The following ASXL1 variants were observed in gnomAD, a reference collection of about 807,000 sequenced individuals.
ASXL1 encodes ASXL transcriptional regulator 1.
ASXL1 carries 65 observed loss-of-function variants against 89.1 expected under a neutral mutation model. The ratio of observed to expected loss-of-function variants is 0.73; its 90% CI spans 0.60 to 0.90. The LOEUF is 0.90. Ranked by LOEUF, ASXL1 falls within the 40% of genes least tolerant of loss-of-function variation. The probability of loss-of-function intolerance (pLI) is 0.00; values close to 1 mark genes in which losing one functional copy is unlikely to be tolerated. For missense variants in ASXL1, 1,786 were observed against 1,942.9 expected (o/e 0.92, Z 1.52); for synonymous variants, 739 against 746.9 (o/e 0.99, Z 0.17).
chr20:32,377,479 T>G (rs953002890), intron 4 of ASXL1, among the ~76,000 whole-genome samples: 1 of 152,034 alleles, frequency 6.6e-6, no homozygotes, highest in African/African-American at 2.4e-5. Flanking sequence ...TGGTACAGGT[T>G]GAGTATCCTT....
chr20:32,436,610 C>T lies in ASXL1; in HGVS notation c.3898C>T (p.Gln1300Ter). ...GGGTGATCAGAGCAATGTTACAGGC[C>T]AAGGGAAGAAGCTTTTTGGCTCTGG... ...ALGDQSNVTG[Q>*]GKKLFGSGNV... The change falls in exon 13 of 13, where the codon CAA becomes TAA. Residue 1300 changes from glutamine (Q) to a stop codon, truncating the protein, a stop_gained. Coordinates refer to ENST00000375687, the MANE Select transcript of ASXL1 (RefSeq NM_015338.6). LOFTEE classifies it high-confidence loss of function. The T allele has an allele frequency of 6.2e-7, 1 of 1,614,162 alleles. No homozygotes were observed. The highest frequency in any genetic ancestry group is 8.5e-7 in the Non-Finnish European group (1 of 1,180,048).
chr20:32,411,619 G>A (rs1387215331), intron 4 of ASXL1, among the ~76,000 whole-genome samples: 1 of 147,264 alleles, frequency 6.8e-6, no homozygotes, highest in Non-Finnish European at 1.5e-5. Context: ...TTGGCTCACT[G>A]CAGCCTCTGC....
At chr20:32,415,991 TG>T (rs1310118020) in intron 4 of ASXL1, among the ~76,000 whole-genome samples, 6 of 152,124 alleles carry the variant, frequency 3.9e-5, no homozygotes, top group Non-Finnish European at 7.4e-5. Flanking sequence ...TATGCCATGT[TG>T]TTGATTAAGA....
chr20:32,428,077 T>C (rs775643416), intron 4 of ASXL1, 51 bp from the exon 5 acceptor site: 2 of 1,611,418 alleles, frequency 1.2e-6, no homozygotes, highest in South Asian at 2.2e-5. Flanking sequence ...ACTGCCTTGC[T>C]TTAAGAATTT....
At chr20:32,380,300 A>G (rs1472380188) in intron 4 of ASXL1, among the ~76,000 whole-genome samples, 2 of 152,314 alleles carry the variant, frequency 1.3e-5, no homozygotes, top group East Asian at 3.9e-4. Context: ...AAAAAGAAAT[A>G]GATGACTACA....
At chr20:32,398,710 C>T (rs1386884330) in intron 4 of ASXL1, among the ~76,000 whole-genome samples, 4 of 148,964 alleles carry the variant, frequency 2.7e-5, no homozygotes, top group African/African-American at 7.4e-5. Context: ...GCCGGGTTCA[C>T]GCCATTCTCC....
At chr20:32,431,784 T>G in intron 10 of ASXL1, 105 bp downstream of exon 10, 1 of 1,198,778 alleles carries the variant, frequency 8.3e-7, no homozygotes, top group Non-Finnish European at 1.2e-6. Flanking sequence ...AAAGGGTTAT[T>G]TAGTATAAGA....
chr20:32,424,948 C>G (rs1215606225), intron 4 of ASXL1, among the ~76,000 whole-genome samples: 3 of 152,182 alleles, frequency 2.0e-5, no homozygotes, highest in African/African-American at 2.4e-5. Flanking sequence ...CCCTACCCCC[C>G]ACTGCCCCTT....
In ASXL1 at chr20:32,369,096, T is replaced by C. The variant is rs1175499490; in HGVS notation, c.225T>C (p.Pro75=). The C allele has an allele frequency of 6.2e-7, 1 of 1,613,470 alleles. No homozygotes were observed. Among genetic ancestry groups the C allele is most frequent in the Non-Finnish European group, 8.5e-7 (1 of 1,179,498 alleles). The change falls in exon 4 of 13, where the codon CCT becomes CCC. Residue 75 remains proline (P), a synonymous_variant. Coordinates refer to ENST00000375687, the MANE Select transcript of ASXL1 (RefSeq NM_015338.6). The part of the protein sequence containing the change: ...RGGEGLFYKL[P]GRISLFTLKK... ...GAGAGGGGTTGTTTTATAAACTGCC[T>C]GGCCGAATCAGCCTTTTCACGCTCA...
chr20:32,396,160 TATA>T (rs1414215432), intron 4 of ASXL1, among the ~76,000 whole-genome samples: 1 of 152,224 alleles, frequency 6.6e-6, no homozygotes, highest in Non-Finnish European at 1.5e-5. Flanking sequence ...ACATGTGAAA[TATA>T]ATAACTTTTC....
At chr20:32,434,335 C>A in intron 12 of ASXL1, 97 bp from the exon 13 acceptor site, 2 of 1,422,014 alleles carry the variant, frequency 1.4e-6, no homozygotes, top group Non-Finnish European at 2.0e-6. Flanking sequence ...TTCTGTATGC[C>A]ATGACCCTTA....
chr20:32,435,764 A>G lies in ASXL1; in HGVS notation c.3052A>G (p.Thr1018Ala). Residue 1018 changes from threonine (T) to alanine (A), a missense_variant, in exon 13 of 13, where the codon ACT becomes GCT. Thr to Ala is a moderately conservative substitution (Grantham distance 58). Around this residue, in one of 3 missense-constraint regions of ASXL1, gnomAD observed 1,418 missense variants for 1,427.8 expected, o/e 0.99. Transcript: ENST00000375687. The part of the protein sequence containing the change: ...HLTEDSSEAD[T>A]REAAVTKGSS... ...CACGGAGGACAGCAGTGAGGCTGACACTAGAGAAGCTGCAGTGACAAAGGG... is the reference window on the plus strand; with the variant it reads ...CACGGAGGACAGCAGTGAGGCTGACGCTAGAGAAGCTGCAGTGACAAAGGG... 6.2e-7 allele frequency: 1 copy of G among 1,614,242 alleles called. No homozygotes were observed. Among genetic ancestry groups the G allele is most frequent in the Non-Finnish European group, 8.5e-7 (1 of 1,180,042 alleles).
chr20:32,381,280 C>G (rs1429448600), intron 4 of ASXL1, among the ~76,000 whole-genome samples: 3 of 152,190 alleles, frequency 2.0e-5, no homozygotes, highest in African/African-American at 7.2e-5. Flanking sequence ...TCACGGCTCA[C>G]TGCAGCCTTG....
In ASXL1 at chr20:32,430,006, C is replaced by T. The variant is rs1165775102; in HGVS notation, c.671C>T (p.Thr224Ile). ...GCTATTCGTGGCCAGGCCGAGGTCACCCAGGACCCTGCCCCGCTCCTGAGA... is the reference window on the plus strand; with the variant it reads ...GCTATTCGTGGCCAGGCCGAGGTCATCCAGGACCCTGCCCCGCTCCTGAGA... ...SAAIRGQAEV[T>I]QDPAPLLRGF... The change falls in exon 8 of 13, where the codon ACC becomes ATC. Residue 224 changes from threonine to isoleucine, a missense_variant. Physicochemically the swap from Thr to Ile is moderately conservative, Grantham distance 89 (BLOSUM62 -1). Transcript: ENST00000375687. The T allele has an allele frequency of 1.2e-6, 2 of 1,608,206 alleles. No homozygotes were observed. The highest frequency in any genetic ancestry group is 3.3e-5 in the Admixed American group (2 of 60,032).
At position 32,433,829 on chromosome 20, in the gene ASXL1, A is replaced by G. The variant is rs751100079; in HGVS notation, c.1631A>G (p.Asp544Gly). 6.2e-7 allele frequency: 1 copy of G among 1,614,128 alleles called. No individual in the cohort carries two copies. Among genetic ancestry groups the G allele is most frequent in the South Asian group, 1.1e-5 (1 of 91,088 alleles). Residue 544 changes from aspartate to glycine, a missense_variant, in exon 12 of 13, where the codon GAT becomes GGT. Asp to Gly is a moderately conservative substitution (Grantham distance 94). Transcript: ENST00000375687. ...CCCGAAAAGAAGCCCCGGCTTGAAG[A>G]TCGTCAGTCCTTTCGTAACACAATT... Reference protein sequence around the residue: ...SFPEKKPRLEDRQSFRNTIES... With the variant: ...SFPEKKPRLEGRQSFRNTIES...
chr20:32,436,993 T>G lies in ASXL1; in HGVS notation c.4281T>G (p.Pro1427=), dbSNP rs144014492. ...AGGGGCTCAGTGAGCCTCTGGAGCC[T>G]TCTTCTCTCCCCTCCCAACTCAGCA... The part of the protein sequence containing the change: ...PGKGLSEPLE[P]SSLPSQLSIK... The change falls in exon 13 of 13, where the codon CCT becomes CCG. Residue 1427 remains proline (P), a synonymous_variant. Transcript: ENST00000375687. The G allele has an allele frequency of 6.0e-5, 97 of 1,613,880 alleles. No individual in the cohort carries two copies. The highest frequency in any genetic ancestry group is 7.3e-5 in the Non-Finnish European group (86 of 1,179,992).
chr20:32,411,038 AAAAAAAAATAAAAAAAAT>A lies in ASXL1; in HGVS notation c.253-17081_253-17064del, dbSNP rs1260227330. Among the ~76,000 whole-genome samples the A allele has an allele frequency of 2.7e-5, 2 of 74,776 alleles. 1 individual carries two copies. Among genetic ancestry groups the A allele is most frequent in the Admixed American group, 3.6e-4 (2 of 5,522 alleles). The allele number at this position is 74,776 out of a possible 152,430, so 49.1% of individuals were successfully genotyped here. On this transcript the variant is annotated intron_variant, in intron 4 of 12. Coordinates refer to ENST00000375687, the MANE Select transcript of ASXL1 (RefSeq NM_015338.6). Reference sequence around the variant, plus strand: ...CAGAACAAGACTCTGTCTCAAAAAAAAAAAAAAATAAAAAAAATAAAAAAAAATTAGTACTCTGAGAGT... The same window carrying A: ...CAGAACAAGACTCTGTCTCAAAAAAAAAAAAAAAATTAGTACTCTGAGAGT...
intron 4 of ASXL1, chr20:32,427,257 C>T (rs1230905702): frequency 6.6e-6 from 1 of 152,178 alleles, no homozygotes; most frequent in African/African-American, 2.4e-5. Context: ...GGATGGAGTT[C>T]TCCTCTACAC....
chr20:32,390,226 T>G lies in ASXL1; in HGVS notation c.252+21103T>G, dbSNP rs182255446. On this transcript the variant is annotated intron_variant, in intron 4 of 12. Transcript: ENST00000375687. ...TAAAGTGTTGAATATCTTATATAAT[T>G]TATTGAATACTAAAGTGAAAAACAA... Among the ~76,000 whole-genome samples the G allele has an allele frequency of 2.0e-5, 3 of 152,324 alleles. No homozygotes were observed. In the East Asian group the frequency reaches 5.8e-4, roughly 29 times the overall value.
Sources: allele counts gnomAD v4.1 joint callset (sites outside exome capture counted in the v4.1 genomes callset), GRCh38; gene constraint gnomAD v4.1.1; regional missense constraint gnomAD v4.1.1; transcripts MANE v1.5; gene names NCBI Gene and HGNC (gene_info 2026-07-23, HGNC 2026-07-21).